The following RAPGEF2 variants were observed in gnomAD, a reference collection of about 807,000 sequenced individuals.
The protein encoded by RAPGEF2 is PDZ domain containing guanine nucleotide exchange factor (GEF) 1.
A neutral mutation model predicts 186.7 loss-of-function variants in RAPGEF2; 54 were observed. That is an observed-to-expected ratio of 0.29 (90% CI 0.23 to 0.36). RAPGEF2 has a LOEUF of 0.36. Ranked by LOEUF, RAPGEF2 falls within the 10% of genes least tolerant of loss-of-function variation. The pLI is 1.00. For synonymous variants in RAPGEF2, 712 were observed against 705.9 expected (o/e 1.01, Z -0.14); for missense variants, 1,532 against 2,045.0 (o/e 0.75, Z 4.84).
At chr4:159,315,181 C>G (rs1764414735) in intron 9 of RAPGEF2, among the ~76,000 whole-genome samples, 2 of 152,082 alleles carry the variant, frequency 1.3e-5, no homozygotes, top group African/African-American at 4.8e-5. Flanking sequence ...TGCTTCTACT[C>G]TGGTTTTGTG....
Position 159,332,362 on chromosome 4 carries a change from A to T in RAPGEF2, c.1889-89A>T, listed in dbSNP as rs547725529. 5.1e-6 allele frequency: 7 copies of T among 1,363,098 alleles called. No individual in the cohort carries two copies. The East Asian group carries it at 1.6e-4, about 31-fold the overall frequency. The allele number at this position is 1,363,098 out of a possible 1,614,324, so 84.4% of individuals were successfully genotyped here. A position where few individuals can be genotyped will look rare whatever the true frequency, so the allele number is the denominator to read the frequency against. The stretch of plus-strand genomic sequence containing the variant: ...TTGATAACTGAAGTCTGTACTTCTC[A>T]TATATTTCCAAGTTCCACAATTGCC... On this transcript the variant is annotated intron_variant, in intron 16 of 29. Coordinates refer to ENST00000691494, the MANE Select transcript of RAPGEF2 (RefSeq NM_001394067.2).
chr4:159,321,834 TTATCA>T (rs1369749182), intron 9 of RAPGEF2, among the ~76,000 whole-genome samples: 1 of 152,184 alleles, frequency 6.6e-6, no homozygotes, highest in East Asian at 1.9e-4. Flanking sequence ...TCATTTTCAT[TTATCA>T]TATCATGTCG....
chr4:159,316,159 C>T (rs1354027891), intron 9 of RAPGEF2, among the ~76,000 whole-genome samples: 2 of 152,172 alleles, frequency 1.3e-5, no homozygotes, highest in Admixed American at 6.5e-5. Context: ...AGAAGGCTCG[C>T]ACTCTTGTCT....
At position 159,322,462 on chromosome 4, in the gene RAPGEF2, A is replaced by G. The variant is rs760112928; in HGVS notation, c.969A>G (p.Ile323Met). The G allele has an allele frequency of 1.9e-6, 3 of 1,613,756 alleles. No homozygotes were observed. The South Asian group carries it at 3.3e-5, about 18-fold the overall frequency. ...VFAVVERAGT[I>M]VLNDGEELDS... ...CAGTGGTGGAAAGAGCAGGGACCAT[A>G]GTGTTAAATGATGGTGAAGAGGTGA... Residue 323 changes from isoleucine to methionine, a missense_variant, in exon 10 of 30, where the codon ATA (isoleucine) becomes ATG (methionine). Ile to Met is a conservative substitution (Grantham distance 10). Around this residue, in one of 4 missense-constraint regions of RAPGEF2, gnomAD observed 810 missense variants for 1,210.5 expected, o/e 0.67. Transcript: ENST00000691494.
intron 7 of RAPGEF2, among the ~76,000 whole-genome samples, chr4:159,272,578 A>T (rs767144416): frequency 1.1e-4 from 16 of 152,210 alleles, no homozygotes; most frequent in Non-Finnish European, 2.2e-4. Flanking sequence ...TTGCAGTTAG[A>T]TGACAGATTA....
intron 1 of RAPGEF2, among the ~76,000 whole-genome samples, chr4:159,133,125 A>G (rs1741292444): frequency 6.6e-6 from 1 of 152,156 alleles, no homozygotes; most frequent in Non-Finnish European, 1.5e-5. Context: ...AATGTAAAGT[A>G]TAGTTTGGAA....
chr4:159,199,357 C>T lies in RAPGEF2; in HGVS notation c.197+6101C>T, dbSNP rs547275547. On this transcript the variant is annotated intron_variant, in intron 3 of 29. Transcript: ENST00000691494. The stretch of plus-strand genomic sequence containing the variant: ...GAGCAGAAGAGTATTTAAATAAAAA[C>T]GTTGTTAAAAATACAATTAATCCAT... 5.3e-5 allele frequency among the ~76,000 whole-genome samples: 8 copies of T among 152,014 alleles called. No individual in the cohort carries two copies. The East Asian group carries it at 1.5e-3, about 29-fold the overall frequency.
At chr4:159,288,644 AG>A (rs1760801767) in intron 7 of RAPGEF2, among the ~76,000 whole-genome samples, 1 of 152,102 alleles carries the variant, frequency 6.6e-6, no homozygotes, top group Non-Finnish European at 1.5e-5. Context: ...ACTTTTTGGT[AG>A]GCTTAATCCC....
At chr4:159,266,946 T>C (rs1757507070) in intron 7 of RAPGEF2, 1 of 213,610 alleles carries the variant, frequency 4.7e-6, no homozygotes, top group Non-Finnish European at 9.9e-6. Context: ...CTACAGCTGC[T>C]GATAGAATAC....
At chr4:159,354,234 C>G (rs1410950722) in intron 28 of RAPGEF2, among the ~76,000 whole-genome samples, 188 bp downstream of exon 28, 1 of 152,146 alleles carries the variant, frequency 6.6e-6, no homozygotes, top group Non-Finnish European at 1.5e-5. Flanking sequence ...GTTTTGTGGT[C>G]AGGTACCTAC....
At chr4:159,262,306 T>C (rs1756966346) in intron 7 of RAPGEF2, among the ~76,000 whole-genome samples, 1 of 152,244 alleles carries the variant, frequency 6.6e-6, no homozygotes, top group Admixed American at 6.5e-5. Flanking sequence ...ATTGTGCTCA[T>C]GCAACATATT....
At chr4:159,300,085 T>C (rs1762467452) in intron 7 of RAPGEF2, among the ~76,000 whole-genome samples, 2 of 151,588 alleles carry the variant, frequency 1.3e-5, no homozygotes, top group African/African-American at 4.8e-5. Flanking sequence ...TATCCTTTAT[T>C]AATATTATAA....
chr4:159,297,688 C>T (rs993880675), intron 7 of RAPGEF2, among the ~76,000 whole-genome samples: 1 of 152,054 alleles, frequency 6.6e-6, no homozygotes, highest in Non-Finnish European at 1.5e-5. Context: ...TTAGGTATGA[C>T]AGTGTCAAAA....
At chr4:159,144,886 T>G (rs1392889094) in intron 1 of RAPGEF2, among the ~76,000 whole-genome samples, 1 of 52,362 alleles carries the variant, frequency 1.9e-5, no homozygotes, top group Non-Finnish European at 4.1e-5. Flanking sequence ...CCTGTTTTTT[T>G]TTTTTTTTTT....
At chr4:159,336,797 G>T (rs1203048678) in intron 17 of RAPGEF2, among the ~76,000 whole-genome samples, 1 of 151,682 alleles carries the variant, frequency 6.6e-6, no homozygotes, top group Non-Finnish European at 1.5e-5. Context: ...AAAAATAGTA[G>T]TTATTATGAT....
chr4:159,166,199 A>G (rs1232301699), intron 1 of RAPGEF2, among the ~76,000 whole-genome samples: 1 of 152,132 alleles, frequency 6.6e-6, no homozygotes, highest in Non-Finnish European at 1.5e-5. Context: ...CTGTAGTCCC[A>G]GCTACTTGGG....
chr4:159,337,637 C>G (rs1767611787), intron 17 of RAPGEF2, among the ~76,000 whole-genome samples: 2 of 151,848 alleles, frequency 1.3e-5, no homozygotes, highest in Non-Finnish European at 2.9e-5. Flanking sequence ...CGCCTGTAAT[C>G]CTAGCACTTT....
At chr4:159,253,057 A>C (rs1755661056) in intron 7 of RAPGEF2, among the ~76,000 whole-genome samples, 1 of 152,236 alleles carries the variant, frequency 6.6e-6, no homozygotes, top group Non-Finnish European at 1.5e-5. Flanking sequence ...ATCTGTATTC[A>C]ATCTGTTGTG....
chr4:159,260,895 T>C (rs902226831), intron 7 of RAPGEF2, among the ~76,000 whole-genome samples: 2 of 151,958 alleles, frequency 1.3e-5, no homozygotes, highest in Non-Finnish European at 2.9e-5. Flanking sequence ...ATTACAGGCA[T>C]GCGCCACCAT....
Sources: allele counts gnomAD v4.1 joint callset (sites outside exome capture counted in the v4.1 genomes callset), GRCh38; gene constraint gnomAD v4.1.1; regional missense constraint gnomAD v4.1.1; transcripts MANE v1.5; gene names NCBI Gene and HGNC (gene_info 2026-07-23, HGNC 2026-07-21).